The following NRXN1 variants were observed in gnomAD, a reference collection of about 807,000 sequenced individuals.
NRXN1 encodes neurexin 1, also known as neurexin-1.
A neutral mutation model predicts 150.9 loss-of-function variants in NRXN1; 39 were observed. That is an observed-to-expected ratio of 0.26 (90% CI 0.20 to 0.34). The LOEUF is 0.34. Among genes scored for constraint, NRXN1 ranks in the 10% least tolerant of loss-of-function variants. The pLI is 1.00. For synonymous variants in NRXN1, 924 were observed against 757.0 expected, an observed-to-expected ratio of 1.22 and a Z score of -3.62; for missense variants, 1,815 against 1,949.9, an observed-to-expected ratio of 0.93 and a Z score of 1.30.
intron 5 of NRXN1, among the ~76,000 whole-genome samples, chr2:50,693,413 C>T (rs979681756): frequency 6.6e-6 from 1 of 152,110 alleles, no homozygotes; most frequent in Non-Finnish European, 1.5e-5. Context: ...CTCCTGACTT[C>T]TTGGAGGTGT....
At chr2:50,534,609 T>C (rs2093205881) in intron 10 of NRXN1, among the ~76,000 whole-genome samples, 1 of 152,186 alleles carries the variant, frequency 6.6e-6, no homozygotes, top group African/African-American at 2.4e-5. Context: ...TTGTTTTTCC[T>C]AAACTAGACA....
chr2:50,314,496 A>C (rs2075431076), intron 17 of NRXN1, among the ~76,000 whole-genome samples: 1 of 152,024 alleles, frequency 6.6e-6, no homozygotes, highest in African/African-American at 2.4e-5. Flanking sequence ...AAAAGGCCAG[A>C]AGAGCTCTAA....
At chr2:50,836,753 T>A (rs1368401730) in intron 5 of NRXN1, among the ~76,000 whole-genome samples, 1 of 151,854 alleles carries the variant, frequency 6.6e-6, no homozygotes, top group Non-Finnish European at 1.5e-5. Context: ...CATGTAATCT[T>A]GACCTAAGTT....
intron 8 of NRXN1, 38 bp from the exon 9 acceptor site, chr2:50,553,063 T>A: frequency 7.1e-7 from 1 of 1,413,926 alleles, no homozygotes; most frequent in Non-Finnish European, 9.6e-7. Flanking sequence ...CTAGCCTCCA[T>A]ATTTTAATAT....
chr2:50,706,254 C>G (rs1469097161), intron 5 of NRXN1, among the ~76,000 whole-genome samples: 1 of 152,182 alleles, frequency 6.6e-6, no homozygotes, highest in African/African-American at 2.4e-5. Context: ...AAACAGTCTA[C>G]TAACTCCAGG....
At chr2:50,361,263 C>G (rs1470901123) in intron 17 of NRXN1, among the ~76,000 whole-genome samples, 1 of 152,006 alleles carries the variant, frequency 6.6e-6, no homozygotes, top group Non-Finnish European at 1.5e-5. Context: ...TAACTAAGAT[C>G]AGAGCAGAAC....
chr2:50,468,334 G>A (rs561528980), intron 16 of NRXN1, among the ~76,000 whole-genome samples: 6 of 151,602 alleles, frequency 4.0e-5, no homozygotes, highest in Admixed American at 6.6e-5. Flanking sequence ...GCATACAGAC[G>A]TGCTGTATTT....
intron 18 of NRXN1, among the ~76,000 whole-genome samples, chr2:50,201,314 C>T (rs1420443095): frequency 7.2e-5 from 11 of 152,082 alleles, no homozygotes; most frequent in Admixed American, 5.2e-4. Context: ...GACACTAAGA[C>T]CTTACCTCAA....
intron 5 of NRXN1, among the ~76,000 whole-genome samples, chr2:50,847,239 A>T (rs1250217319): frequency 6.6e-6 from 1 of 151,958 alleles, no homozygotes; most frequent in Admixed American, 6.6e-5. Context: ...TATTATTATT[A>T]TTTTTACTTT....
At chr2:50,585,382 T>C (rs12713116) in intron 8 of NRXN1, among the ~76,000 whole-genome samples, 88,965 of 151,950 alleles carry the variant, frequency 0.59, 27,117 homozygotes, top group East Asian at 0.88. Context: ...GAGAAGAATA[T>C]GTGGTGTTGT....
intron 5 of NRXN1, among the ~76,000 whole-genome samples, chr2:50,626,765 C>T (rs1387371720): frequency 6.6e-6 from 1 of 151,828 alleles, no homozygotes; most frequent in African/African-American, 2.4e-5. Flanking sequence ...TTAAAATTAA[C>T]AATGCTGGGT....
chr2:50,400,197 C>T (rs962676979), intron 17 of NRXN1, among the ~76,000 whole-genome samples: 5 of 152,020 alleles, frequency 3.3e-5, no homozygotes, highest in African/African-American at 1.2e-4. Flanking sequence ...GAAAAAAAAT[C>T]ACAAATGAAG....
At chr2:50,507,843 A>G (rs1471719528) in intron 12 of NRXN1, among the ~76,000 whole-genome samples, 1 of 152,060 alleles carries the variant, frequency 6.6e-6, no homozygotes, top group Non-Finnish European at 1.5e-5. Flanking sequence ...GAAGGGCATT[A>G]TATCATTGAG....
At chr2:50,075,351 G>T (rs35030946) in intron 19 of NRXN1, among the ~76,000 whole-genome samples, 2,181 of 152,214 alleles carry the variant, frequency 0.014, 22 homozygotes, top group Non-Finnish European at 0.021. Context: ...TGGAGACTGG[G>T]GAGGAATATT....
chr2:50,853,378 T>C (rs372968270), intron 5 of NRXN1, among the ~76,000 whole-genome samples: 71 of 151,922 alleles, frequency 4.7e-4, no homozygotes, highest in African/African-American at 1.6e-3. Flanking sequence ...CACACTCCAT[T>C]ATTATTTGAA....
At chr2:50,611,488 G>A (rs1678120821) in intron 8 of NRXN1, among the ~76,000 whole-genome samples, 1 of 152,084 alleles carries the variant, frequency 6.6e-6, no homozygotes. Flanking sequence ...ATTTCCTTGG[G>A]GACCTGAGCA....
chr2:50,352,159 G>A (rs1394519809), intron 17 of NRXN1, among the ~76,000 whole-genome samples: 1 of 152,080 alleles, frequency 6.6e-6, no homozygotes, highest in Non-Finnish European at 1.5e-5. Flanking sequence ...GGGAGCCTAC[G>A]TTGAACAACA....
intron 18 of NRXN1, among the ~76,000 whole-genome samples, chr2:50,208,209 C>A (rs181203749): frequency 1.3e-5 from 2 of 152,230 alleles, no homozygotes; most frequent in African/African-American, 4.8e-5. Flanking sequence ...GTAACTCACA[C>A]TACCAGGGTA....
Position 50,666,839 on chromosome 2 carries a change from AATGATG to A in NRXN1, c.833-43230_833-43225del, listed in dbSNP as rs202154192. The stretch of plus-strand genomic sequence containing the variant: ...AGTTCCAAGTTCCAGAGCATAAAAT[AATGATG>A]ATGATGATGATGATGATGATGATGA... On this transcript the variant is annotated intron_variant, in intron 5 of 22. Transcript: ENST00000401669. Among the ~76,000 whole-genome samples, 113 of 144,956 alleles carry A rather than the reference AATGATG, an allele frequency of 7.8e-4. 1 individual carries two copies. Among genetic ancestry groups the A allele is most frequent in the African/African-American group, 2.2e-3 (86 of 38,992 alleles).
Sources: allele counts gnomAD v4.1 joint callset (sites outside exome capture counted in the v4.1 genomes callset), GRCh38; gene constraint gnomAD v4.1.1; transcripts MANE v1.5; gene names NCBI Gene and HGNC (gene_info 2026-07-23, HGNC 2026-07-21).